The following DCC variants were observed in gnomAD, a reference collection of about 807,000 sequenced individuals.
DCC encodes the protein DCC netrin 1 receptor, also known as netrin receptor DCC.
DCC carries 58 observed loss-of-function variants against 172.5 expected under a neutral mutation model. That is an observed-to-expected ratio of 0.34 (90% CI 0.27 to 0.42). DCC has a LOEUF of 0.42. Among genes scored for constraint, DCC ranks in the 10% least tolerant of loss-of-function variants. The pLI, the probability that DCC is intolerant of heterozygous loss-of-function variation, is 1.00. For missense variants in DCC, 1,740 were observed against 1,791.0 expected, an observed-to-expected ratio of 0.97 and a Z score of 0.51; for synonymous variants, 709 against 644.5, an observed-to-expected ratio of 1.10 and a Z score of -1.52.
intron 5 of DCC, among the ~76,000 whole-genome samples, chr18:53,022,095 TA>T (rs1267919200): frequency 6.6e-6 from 1 of 152,228 alleles, no homozygotes; most frequent in African/African-American, 2.4e-5. Flanking sequence ...TTGATCTAAA[TA>T]TTTTTAGTGC....
At chr18:53,425,355 C>CTTTTTTTTTT (rs1338640000) in intron 21 of DCC, among the ~76,000 whole-genome samples, 15 of 86,488 alleles carry the variant, frequency 1.7e-4, no homozygotes, top group Admixed American at 4.4e-4. Flanking sequence ...CGTTTCTCCT[C>CTTTTTTTTTT]TCTTTTTTTT....
chr18:53,235,871 A>G (rs1316438747), intron 12 of DCC, among the ~76,000 whole-genome samples: 2 of 152,102 alleles, frequency 1.3e-5, no homozygotes, highest in Non-Finnish European at 2.9e-5. Context: ...GGAATTACAC[A>G]ATATTTGTCC....
Position 52,735,482 on chromosome 18 carries a change from C to T in DCC, c.92-16572C>T, listed in dbSNP as rs116051433. Among the ~76,000 whole-genome samples the T allele has an allele frequency of 7.9e-3, 1,205 of 152,168 alleles. 12 individuals carry two copies. Among genetic ancestry groups the T allele is most frequent in the African/African-American group, 0.028 (1,154 of 41,532 alleles). ...GACTCACATGACCACGAGGTGAAGT[C>T]GCACAATAGGCCATCTGCAGTCTGA... On this transcript the variant is annotated intron_variant, in intron 1 of 28. Coordinates refer to ENST00000442544, the MANE Select transcript of DCC (RefSeq NM_005215.4).
Position 53,226,545 on chromosome 18 carries a change from TA to T in DCC, c.1911+10953del, listed in dbSNP as rs541936409. Among the ~76,000 whole-genome samples the T allele has an allele frequency of 4.1e-4, 62 of 152,204 alleles. 2 individuals carry two copies. In the East Asian group the frequency reaches 0.012, roughly 29 times the overall value. On this transcript the variant is annotated intron_variant, in intron 12 of 28. Transcript: ENST00000442544. ...CTCAATAAACTTCAGTAGACAACCT[TA>T]AAAACTTAGGGTATTTTTGAATGTA...
chr18:53,404,402 G>GAA (rs771526090), intron 19 of DCC, among the ~76,000 whole-genome samples: 2 of 85,008 alleles, frequency 2.4e-5, no homozygotes, highest in African/African-American at 3.2e-5. Flanking sequence ...GCTTCTTCAG[G>GAA]AAAAAAAAAA....
At chr18:52,357,035 T>C (rs769172872) in intron 1 of DCC, among the ~76,000 whole-genome samples, 12 of 152,208 alleles carry the variant, frequency 7.9e-5, no homozygotes, top group Non-Finnish European at 1.3e-4. Flanking sequence ...AATGTCCACC[T>C]TGGCCTCCCA....
intron 1 of DCC, among the ~76,000 whole-genome samples, chr18:52,614,488 C>A (rs999390929): frequency 6.6e-6 from 1 of 152,138 alleles, no homozygotes; most frequent in African/African-American, 2.4e-5. Context: ...GTGGTTTTTG[C>A]CCATTACTTT....
chr18:52,809,911 G>A lies in DCC; in HGVS notation c.412+57537G>A, dbSNP rs142139008. Among the ~76,000 whole-genome samples the A allele has an allele frequency of 2.3e-3, 348 of 152,046 alleles. 9 individuals are homozygous for A. The East Asian group carries it at 0.039, about 17-fold the overall frequency. ...TGCTTTTAGCCTAATTTGTATTTTAGTGAGCCCTCTACCTGATTGGTTGGG... is the reference window on the plus strand; with the variant it reads ...TGCTTTTAGCCTAATTTGTATTTTAATGAGCCCTCTACCTGATTGGTTGGG... On this transcript the variant is annotated intron_variant, in intron 2 of 28. Transcript: ENST00000442544.
intron 1 of DCC, among the ~76,000 whole-genome samples, chr18:52,576,748 T>C (rs1357836736): frequency 6.7e-6 from 1 of 149,804 alleles, no homozygotes; most frequent in Non-Finnish European, 1.5e-5. Context: ...GAGAATGGCG[T>C]GAACCCGGGA....
At chr18:52,372,605 C>T (rs1985169417) in intron 1 of DCC, among the ~76,000 whole-genome samples, 1 of 150,938 alleles carries the variant, frequency 6.6e-6, no homozygotes, top group East Asian at 2.0e-4. Context: ...ATGCATGCAT[C>T]AACACTTTTT....
At chr18:52,827,589 T>C (rs1428506337) in intron 2 of DCC, among the ~76,000 whole-genome samples, 3 of 152,162 alleles carry the variant, frequency 2.0e-5, no homozygotes, top group Non-Finnish European at 4.4e-5. Context: ...TAAATGAAAA[T>C]GCACCTGCAT....
intron 1 of DCC, among the ~76,000 whole-genome samples, chr18:52,382,341 T>G (rs1381409269): frequency 6.6e-6 from 1 of 152,120 alleles, no homozygotes; most frequent in African/African-American, 2.4e-5. Flanking sequence ...AACAAAAGTT[T>G]TATAAAGCTA....
chr18:53,450,515 A>G lies in DCC; in HGVS notation c.3245A>G (p.Gln1082Arg). Residue 1082 changes from glutamine (Q) to arginine (R), a missense_variant, in exon 23 of 29, where the codon CAA (glutamine) becomes CGA (arginine). Gln to Arg is a conservative substitution (Grantham distance 43). Coordinates refer to ENST00000442544, the MANE Select transcript of DCC (RefSeq NM_005215.4). ...RSTLNEPPIG[Q>R]MHPPHGSVTP... ...CTTTTCCCAGAGCCGCCAATTGGAC[A>G]AATGCACCCCCCGCATGGCAGTGTC... 6.2e-7 allele frequency: 1 copy of G among 1,614,028 alleles called. No individual in the cohort carries two copies. The highest frequency in any genetic ancestry group is 1.3e-5 in the African/African-American group (1 of 75,010).
chr18:52,775,847 G>T (rs1342539218), intron 2 of DCC, among the ~76,000 whole-genome samples: 1 of 152,204 alleles, frequency 6.6e-6, no homozygotes, highest in African/African-American at 2.4e-5. Flanking sequence ...GAAAGTAGGA[G>T]TGCTCATGCT....
At chr18:53,406,204 A>T (rs1909639383) in intron 19 of DCC, among the ~76,000 whole-genome samples, 2 of 152,138 alleles carry the variant, frequency 1.3e-5, no homozygotes, top group Admixed American at 6.5e-5. Flanking sequence ...TTTCTGTGTC[A>T]TTTGATAGCC....
chr18:52,738,423 G>A (rs746847479), intron 1 of DCC, among the ~76,000 whole-genome samples: 1 of 152,162 alleles, frequency 6.6e-6, no homozygotes, highest in Non-Finnish European at 1.5e-5. Flanking sequence ...GGCAGTTACT[G>A]TAGGTAACAT....
intron 1 of DCC, among the ~76,000 whole-genome samples, chr18:52,634,538 AAAAT>A (rs1332979891): frequency 1.8e-4 from 28 of 152,226 alleles, no homozygotes; most frequent in African/African-American, 6.3e-4. Flanking sequence ...GTATACGAGA[AAAAT>A]AACTTATAAA....
chr18:53,043,149 G>A (rs1599060355), intron 5 of DCC, among the ~76,000 whole-genome samples: 1 of 151,894 alleles, frequency 6.6e-6, no homozygotes, highest in South Asian at 2.1e-4. Context: ...AAAAAAGAAT[G>A]AGTTCATGCC....
chr18:52,951,455 C>T lies in DCC; in HGVS notation c.985+26085C>T, dbSNP rs374409786. 1.6e-3 allele frequency among the ~76,000 whole-genome samples: 239 copies of T among 152,134 alleles called. 1 individual carries two copies. Among genetic ancestry groups the T allele is most frequent in the Non-Finnish European group, 2.9e-3 (198 of 68,004 alleles). On this transcript the variant is annotated intron_variant, in intron 5 of 28. Transcript: ENST00000442544. ...CCTTGCCTCCCACCCCCCGACAGGT[C>T]CCGGTGTGTGATATTCTCCTCCCTG...
Sources: allele counts gnomAD v4.1 joint callset (sites outside exome capture counted in the v4.1 genomes callset), GRCh38; gene constraint gnomAD v4.1.1; transcripts MANE v1.5; gene names NCBI Gene and HGNC (gene_info 2026-07-23, HGNC 2026-07-21).